SLC47A2: variants seen among roughly 807,000 people sequenced by gnomAD.
The protein encoded by SLC47A2 is multidrug and toxin extrusion protein 2.
Under a neutral mutation model 67.7 loss-of-function variants are expected in SLC47A2, and 52 were observed. That is an observed-to-expected ratio of 0.77 (90% CI 0.61 to 0.97). SLC47A2 has a LOEUF of 0.97. Ranked by LOEUF, SLC47A2 falls within the 50% of genes least tolerant of loss-of-function variation. The pLI, the probability that SLC47A2 is intolerant of heterozygous loss-of-function variation, is 0.00. For synonymous variants in SLC47A2, 278 were observed against 292.9 expected, an observed-to-expected ratio of 0.95 and a Z score of 0.52; for missense variants, 676 against 712.3, an observed-to-expected ratio of 0.95 and a Z score of 0.58.
Position 19,706,777 on chromosome 17 carries a change from C to T in SLC47A2, c.728-16G>A, listed in dbSNP as rs2085950704. 3.8e-6 allele frequency: 6 copies of T among 1,593,570 alleles called. No individual in the cohort carries two copies. Among genetic ancestry groups the T allele is most frequent in the African/African-American group, 1.4e-5 (1 of 73,826 alleles). ...CTGGACCAACCTGGAAACAGAGGCC[C>T]CATGAGCTGACAGCCTGCCCTGCTT... is the stretch of plus-strand genomic sequence containing the variant. On this transcript the variant is annotated splice_polypyrimidine_tract_variant and intron_variant, in intron 8 of 16. Transcript: ENST00000433844.
In SLC47A2 at chr17:19,708,282, C is replaced by T. The variant is rs2152355663; in HGVS notation, c.629+20G>A. 2 of 1,611,676 alleles carry T rather than the reference C, an allele frequency of 1.2e-6. No homozygotes were observed. The highest frequency in any genetic ancestry group is 1.1e-5 in the South Asian group (1 of 90,988). ...GTGGGCAGTGTCCCCTGACCAGGCC[C>T]CACCAGCCCCCGGGCTCACCTGACC... On this transcript the variant is annotated intron_variant, in intron 7 of 16. Coordinates refer to ENST00000433844, the MANE Select transcript of SLC47A2 (RefSeq NM_001099646.3).
rs117490850 is a variant in SLC47A2 at position 19,709,189 on chromosome 17, C to T, written c.487-429G>A. On this transcript the variant is annotated intron_variant, in intron 5 of 16. Coordinates refer to ENST00000433844, the MANE Select transcript of SLC47A2 (RefSeq NM_001099646.3). ...CAGGATTTGAAGGTGTGACTTCGGA[C>T]GAGGGAATGGCAGGTACTGAGACAT... Among the ~76,000 whole-genome samples, 304 of 152,300 alleles carry T rather than the reference C, an allele frequency of 2.0e-3. 4 individuals carry two copies. The East Asian group carries it at 0.046, about 23-fold the overall frequency.
intron 1 of SLC47A2, among the ~76,000 whole-genome samples, chr17:19,715,454 C>T (rs908158349): frequency 2.9e-5 from 2 of 69,698 alleles, no homozygotes; most frequent in African/African-American, 4.3e-5. Context: ...CCTGGCGCAG[C>T]GCAGTGCCTG....
upstream of SLC47A2, chr17:19,717,617 G>C (rs936921621): frequency 6.6e-5 from 10 of 152,214 alleles, no homozygotes; most frequent in African/African-American, 2.4e-4. Flanking sequence ...GTCCACCCCT[G>C]CAGCGGAGGA....
chr17:19,703,950 G>T, intron 11 of SLC47A2, 120 bp downstream of exon 11: 1 of 693,146 alleles, frequency 1.4e-6, no homozygotes, highest in Non-Finnish European at 2.3e-6. Context: ...CAGCAGGCTT[G>T]GAAGATAAAC....
At chr17:19,718,625 C>T (rs1398872275), upstream of SLC47A2, 3 of 152,228 alleles carry the variant, frequency 2.0e-5, no homozygotes, top group Non-Finnish European at 4.4e-5. Context: ...ACATTTTCTT[C>T]GGGAAGACAC....
chr17:19,705,042 G>T, intron 10 of SLC47A2: 1 of 329,950 alleles, frequency 3.0e-6, no homozygotes, highest in Non-Finnish European at 5.5e-6. Context: ...GCCCAGGTTG[G>T]TCTTGAACTC....
chr17:19,681,169 C>T (rs887109474), intron 15 of SLC47A2, among the ~76,000 whole-genome samples, 198 bp downstream of exon 15: 11 of 151,924 alleles, frequency 7.2e-5, no homozygotes, highest in African/African-American at 1.9e-4. Context: ...GCTGAGATCG[C>T]GCCACTGCAC....
upstream of SLC47A2, chr17:19,718,562 T>C (rs1271608917): frequency 1.3e-5 from 2 of 152,180 alleles, no homozygotes; most frequent in Non-Finnish European, 2.9e-5. Context: ...ATCTCCAAAA[T>C]CCCTTCTCAG....
At chr17:19,699,440 G>T (rs2085737704) in intron 13 of SLC47A2, among the ~76,000 whole-genome samples, 1 of 151,876 alleles carries the variant, frequency 6.6e-6, no homozygotes, top group Non-Finnish European at 1.5e-5. Context: ...GAGTGCAGTG[G>T]TATAATCATA....
At position 19,707,813 on chromosome 17, in the gene SLC47A2, C is replaced by T. The variant is rs762598720; in HGVS notation, c.660G>A (p.Gln220=). The T allele has an allele frequency of 3.7e-6, 6 of 1,604,414 alleles. No individual in the cohort carries two copies. The highest frequency in any genetic ancestry group is 4.3e-6 in the Non-Finnish European group (5 of 1,175,574). The change falls in exon 8 of 17, where the codon CAG becomes CAA. Residue 220 remains glutamine (Q), a synonymous_variant. Coordinates refer to ENST00000433844, the MANE Select transcript of SLC47A2 (RefSeq NM_001099646.3). ...GAAGGAGGAAGACGGTCTGTGCAAA[C>T]TGGGAGATGATGTTGGCATAGGCGG... The part of the protein sequence containing the change: ...RGSAYANIIS[Q]FAQTVFLLLY...
intron 2 of SLC47A2, 99 bp from the exon 3 acceptor site, chr17:19,714,888 C>A (rs559017608): frequency 3.3e-6 from 5 of 1,524,224 alleles, no homozygotes; most frequent in Admixed American, 1.7e-5. Context: ...TGCTGCCCAG[C>A]AGGCAGCGGT....
In SLC47A2 at chr17:19,715,127, G is replaced by C; in HGVS notation, c.214C>G (p.Leu72Val). The change falls in exon 2 of 17, where the codon CTC (leucine) becomes GTC (valine). Residue 72 changes from leucine to valine, a missense_variant. Leu to Val is a conservative substitution (Grantham distance 32, BLOSUM62 1). Coordinates refer to ENST00000433844, the MANE Select transcript of SLC47A2 (RefSeq NM_001099646.3). ...AGCTGGGTACTCACGGCCACCGCGA[G>C]GGTCACCGATGCCAGCTCCACCTTG... is the stretch of plus-strand genomic sequence containing the variant. ...LGKVELASVT[L>V]AVAFVNVCGV... 17 of 1,612,124 alleles carry C rather than the reference G, an allele frequency of 1.1e-5. No individual in the cohort carries two copies. The highest frequency in any genetic ancestry group is 1.3e-5 in the Non-Finnish European group (15 of 1,179,962).
rs2086255445 is a variant in SLC47A2, at chr17:19,716,014, C to T, written c.123+419G>A. ...GAGGCAGCACGCCCAGCCTATTCCT[C>T]TTCATGATCAGAAAAAATAAATGTA... On this transcript the variant is annotated intron_variant, in intron 1 of 16. Coordinates refer to ENST00000433844, the MANE Select transcript of SLC47A2 (RefSeq NM_001099646.3). The T allele has an allele frequency of 2.9e-5, 5 of 170,930 alleles. No homozygotes were observed. In the South Asian group the frequency reaches 6.0e-4, roughly 21 times the overall value. 10.6% of individuals were successfully genotyped at this position (170,930 alleles called of 1,614,324 possible).
intron 15 of SLC47A2, 39 bp downstream of exon 15, chr17:19,681,328 G>A: frequency 1.3e-6 from 2 of 1,526,040 alleles, no homozygotes; most frequent in East Asian, 2.4e-5. Flanking sequence ...GGGGTCAGGT[G>A]CAGGGTGTCT....
At chr17:19,689,220 C>T (rs2085488835) in intron 13 of SLC47A2, among the ~76,000 whole-genome samples, 1 of 152,024 alleles carries the variant, frequency 6.6e-6, no homozygotes, top group Non-Finnish European at 1.5e-5. Flanking sequence ...ATGATAGGAT[C>T]TTATATTTGG....
chr17:19,708,682 G>T (rs1475681003), intron 6 of SLC47A2, 34 bp downstream of exon 6: 2 of 1,613,586 alleles, frequency 1.2e-6, no homozygotes, highest in East Asian at 2.2e-5. Flanking sequence ...AGTGTGCTGG[G>T]AGAAGGGCCT....
intron 10 of SLC47A2, 80 bp downstream of exon 10, chr17:19,705,356 G>A (rs2085901803): frequency 6.9e-7 from 1 of 1,446,802 alleles, no homozygotes; most frequent in Non-Finnish European, 9.5e-7. Context: ...ATAGCTTCAG[G>A]TGACAGCCTG....
intron 1 of SLC47A2, among the ~76,000 whole-genome samples, 172 bp from the exon 2 acceptor site, chr17:19,715,389 G>C (rs989167728): frequency 1.3e-5 from 2 of 152,124 alleles, no homozygotes; most frequent in African/African-American, 4.8e-5. Flanking sequence ...CCCATTCTGC[G>C]TTCTGCAGCT....
Sources: gnomAD v4.1 joint callset for allele counts (sites outside exome capture counted in the v4.1 genomes callset) on GRCh38, gnomAD v4.1.1 for gene constraint, MANE v1.5 for transcripts, NCBI Gene and HGNC (gene_info 2026-07-23, HGNC 2026-07-21) for gene names.